Variants in UGT1A4 observed in about 807,000 individuals in gnomAD.
UGT1A4 encodes the protein UDP-glucuronosyltransferase 1A4.
A neutral mutation model predicts 41.1 loss-of-function variants in UGT1A4; 32 were observed. The observed-to-expected ratio is 0.78, with a 90% CI of 0.59 to 1.05. The LOEUF (loss-of-function observed/expected upper bound fraction) is 1.05, where lower values mean the gene tolerates loss of function less well. Ranked by LOEUF, UGT1A4 falls within the 50% of genes least tolerant of loss-of-function variation. UGT1A4 has a pLI of 0.00. For missense variants in UGT1A4, 748 were observed against 677.4 expected, an observed-to-expected ratio of 1.10 and a Z score of -1.16; for synonymous variants, 283 against 265.1, an observed-to-expected ratio of 1.07 and a Z score of -0.66.
chr2:233,750,334 A>C (rs1004492838), intron 1 of UGT1A4, among the ~76,000 whole-genome samples: 1 of 151,972 alleles, frequency 6.6e-6, no homozygotes, highest in Non-Finnish European at 1.5e-5. Context: ...CTTCAGAGAG[A>C]TGATCTGAAA....
intron 1 of UGT1A4, among the ~76,000 whole-genome samples, chr2:233,748,613 G>C (rs1489441058): frequency 6.6e-6 from 1 of 151,820 alleles, no homozygotes; most frequent in South Asian, 2.1e-4. Flanking sequence ...AGCAACGAAC[G>C]TGGGATATAT....
chr2:233,718,964 G>A lies in UGT1A4; in HGVS notation c.144G>A (p.Leu48=), dbSNP rs767708509. Residue 48 remains leucine (L), a synonymous_variant, in exon 1 of 5, where the codon TTG becomes TTA. Transcript: ENST00000373409. ...CCTGGCTCAGCATGCGGGAGGCCTTGCGGGAGCTCCATGCCAGAGGCCACC... is the reference window on the plus strand; with the variant it reads ...CCTGGCTCAGCATGCGGGAGGCCTTACGGGAGCTCCATGCCAGAGGCCACC... ...GSPWLSMREA[L]RELHARGHQA... The A allele has an allele frequency of 1.1e-5, 17 of 1,614,104 alleles. No individual in the cohort carries two copies. Among genetic ancestry groups the A allele is most frequent in the Non-Finnish European group, 1.4e-5 (16 of 1,180,034 alleles).
At chr2:233,728,962 C>G (rs1481350452) in intron 1 of UGT1A4, 1 of 1,451,462 alleles carries the variant, frequency 6.9e-7, no homozygotes. Context: ...CAGTGAAAAA[C>G]AGTGATAGAT....
At chr2:233,742,488 T>A (rs1480874171) in intron 1 of UGT1A4, among the ~76,000 whole-genome samples, 1 of 151,938 alleles carries the variant, frequency 6.6e-6, no homozygotes, top group African/African-American at 2.4e-5. Context: ...ACCTTCAGCA[T>A]AGGCATCATG....
At chr2:233,733,101 G>T (rs1559378148) in intron 1 of UGT1A4, among the ~76,000 whole-genome samples, 1 of 151,784 alleles carries the variant, frequency 6.6e-6, no homozygotes, top group Non-Finnish European at 1.5e-5. Flanking sequence ...TCATGGTTTG[G>T]CTCTGTTTGT....
At chr2:233,758,938 C>A (rs1697023841) in intron 1 of UGT1A4, among the ~76,000 whole-genome samples, 1 of 152,234 alleles carries the variant, frequency 6.6e-6, no homozygotes, top group Non-Finnish European at 1.5e-5. Flanking sequence ...GACTTCAAAT[C>A]AGTCATCAGA....
At chr2:233,729,589 A>C (rs2077888801) in intron 1 of UGT1A4, 4 of 1,614,098 alleles carry the variant, frequency 2.5e-6, no homozygotes, top group Non-Finnish European at 2.5e-6. Context: ...AGACCCCGTT[A>C]ACCTCTGCGC....
rs1196428735 is a variant in UGT1A4 at position 233,732,781 on chromosome 2, T to C, written c.867+13094T>C. Reference sequence around the variant, plus strand: ...TTTTTTTTTTTTTTTTGCTTAGGATTGTCTTGGCAATGCAGGCTCTTTTTT... The same window carrying C: ...TTTTTTTTTTTTTTTTGCTTAGGATCGTCTTGGCAATGCAGGCTCTTTTTT... On this transcript the variant is annotated intron_variant, in intron 1 of 4. Transcript: ENST00000373409. Among the ~76,000 whole-genome samples the C allele has an allele frequency of 2.6e-5, 4 of 151,222 alleles. No individual in the cohort carries two copies. In the East Asian group the frequency reaches 7.7e-4, roughly 29 times the overall value.
chr2:233,737,106 C>A (rs1413707543), intron 1 of UGT1A4, among the ~76,000 whole-genome samples: 1 of 152,198 alleles, frequency 6.6e-6, no homozygotes, highest in African/African-American at 2.4e-5. Flanking sequence ...TCTGCTGTTC[C>A]CCACATGTTC....
At position 233,769,810 on chromosome 2, in the gene UGT1A4, A is replaced by G. The variant is rs1699943868; in HGVS notation, c.1307+1371A>G. The G allele has an allele frequency of 5.9e-6, 6 of 1,010,036 alleles. No individual in the cohort carries two copies. Among genetic ancestry groups the G allele is most frequent in the African/African-American group, 3.3e-5 (2 of 61,048 alleles). The allele number at this position is 1,010,036 out of a possible 1,614,324, so 62.6% of individuals were successfully genotyped here. ...TTGGAGGCTGCTATGAGCCGTGATC[A>G]TGCCACTGCACTCCAGCAACCTGGG... On this transcript the variant is annotated intron_variant, in intron 4 of 4. Transcript: ENST00000373409. This position sits in a 1 kb window ranked among gnomAD's most constrained non-coding sequence, Gnocchi z 4.4.
rs1319109473 is a variant in UGT1A4, at chr2:233,724,136, C to T, written c.867+4449C>T. On this transcript the variant is annotated intron_variant, in intron 1 of 4. Coordinates refer to ENST00000373409, the MANE Select transcript of UGT1A4 (RefSeq NM_007120.3). ...GCAGAGGCGCCCCTCACCTCCCGGA[C>T]GGGGCGGCTGGCCGGGTGGGGGGGC... Among the ~76,000 whole-genome samples, 110 of 111,694 alleles carry T rather than the reference C, an allele frequency of 9.8e-4. 3 individuals carry two copies. Among genetic ancestry groups the T allele is most frequent in the Middle Eastern group, 4.2e-3 (1 of 236 alleles). 73.3% of individuals were successfully genotyped at this position (111,694 alleles called of 152,430 possible).
At position 233,718,851 on chromosome 2, in the gene UGT1A4, C is replaced by G; in HGVS notation, c.31C>G (p.Arg11Gly). The G allele has an allele frequency of 6.2e-7, 1 of 1,613,708 alleles. No homozygotes were observed. ...CAGAGGACTCCAGGTTCCCCTGCCG[C>G]GGCTGGCCACAGGACTGCTGCTCCT... Reference protein sequence around the residue: MARGLQVPLPRLATGLLLLLS... With the variant: MARGLQVPLPGLATGLLLLLS... Residue 11 changes from arginine (R) to glycine (G), a missense_variant, in exon 1 of 5, where the codon CGG (arginine) becomes GGG (glycine). Coordinates refer to ENST00000373409, the MANE Select transcript of UGT1A4 (RefSeq NM_007120.3).
rs41264157 is a variant in UGT1A4 at position 233,755,111 on chromosome 2, G to C, written c.868-11923G>C. ...GTTTCTACGCGTCCGACAACACCTCGTAGGCCTCAGCCACCTGCTTGAATC... is the reference window on the plus strand; with the variant it reads ...GTTTCTACGCGTCCGACAACACCTCCTAGGCCTCAGCCACCTGCTTGAATC... On this transcript the variant is annotated intron_variant, in intron 1 of 4. Transcript: ENST00000373409. 5.5e-4 allele frequency: 736 copies of C among 1,331,768 alleles called. 3 individuals are homozygous for C. The African/African-American group carries it at 7.2e-3, about 13-fold the overall frequency. The allele number at this position is 1,331,768 out of a possible 1,614,324, so 82.5% of individuals were successfully genotyped here.
intron 1 of UGT1A4, chr2:233,729,631 A>C (rs141036072): frequency 6.2e-7 from 1 of 1,613,646 alleles, no homozygotes; most frequent in Non-Finnish European, 8.5e-7. Context: ...GTCGATTCCT[A>C]CTGTGTTTTT....
At chr2:233,762,940 A>G (rs1474565729) in intron 1 of UGT1A4, among the ~76,000 whole-genome samples, 1 of 152,236 alleles carries the variant, frequency 6.6e-6, no homozygotes, top group Admixed American at 6.5e-5. Context: ...AAACAGTTGA[A>G]TAATTCTGGC....
chr2:233,753,691 A>G (rs900061019), intron 1 of UGT1A4: 3 of 152,228 alleles, frequency 2.0e-5, no homozygotes, highest in Admixed American at 6.5e-5. Context: ...ACAATATTAC[A>G]GATGCACTTG....
chr2:233,732,318 G>A (rs1386419482), intron 1 of UGT1A4, among the ~76,000 whole-genome samples: 3 of 152,170 alleles, frequency 2.0e-5, no homozygotes, highest in African/African-American at 7.2e-5. Flanking sequence ...GTCTATTTTG[G>A]CTTTTGTTGC....
chr2:233,743,979 A>T (rs1692622611), intron 1 of UGT1A4: 1 of 1,306,002 alleles, frequency 7.7e-7, no homozygotes, highest in Non-Finnish European at 1.0e-6. Flanking sequence ...GCCAGCACCC[A>T]GGCGCAGGCC....
rs371746067 is a variant in UGT1A4, at chr2:233,749,430, ACT to A, written c.868-17603_868-17602del. On this transcript the variant is annotated intron_variant, in intron 1 of 4. Transcript: ENST00000373409. ...TGTTAACTACATTGCTCAAAACTTC[ACT>A]GTCATCTCAGTGGAGCAGAACGAAT... Among the ~76,000 whole-genome samples, 11 of 151,874 alleles carry A rather than the reference ACT, an allele frequency of 7.2e-5. No individual in the cohort carries two copies. In the East Asian group the frequency reaches 1.7e-3, roughly 24 times the overall value.
Sources: gnomAD v4.1 joint callset for allele counts (sites outside exome capture counted in the v4.1 genomes callset) on GRCh38, gnomAD v4.1.1 for gene constraint, Gnocchi (gnomAD v3.1) non-coding constraint, MANE v1.5 for transcripts, NCBI Gene and HGNC (gene_info 2026-07-23, HGNC 2026-07-21) for gene names.